MAP7: variants seen among roughly 807,000 people sequenced by gnomAD.
MAP7 encodes the protein ensconsin.
A neutral mutation model predicts 94.8 loss-of-function variants in MAP7; 52 were observed. The observed-to-expected ratio is 0.55, with a 90% confidence interval of 0.44 to 0.69. MAP7 has a LOEUF of 0.69. Ranked by LOEUF, MAP7 falls within the 30% of genes least tolerant of loss-of-function variation. MAP7 has a pLI of 0.00. For synonymous variants in MAP7, 350 were observed against 357.0 expected (o/e 0.98, Z 0.22); for missense variants, 940 against 964.6 (o/e 0.97, Z 0.34).
At chr6:136,397,267 C>CT (rs1488779936) in intron 3 of MAP7, among the ~76,000 whole-genome samples, 2 of 151,728 alleles carry the variant, frequency 1.3e-5, no homozygotes, top group African/African-American at 4.8e-5. Context: ...AGATTTAATA[C>CT]TTTAATACCC....
intron 16 of MAP7, among the ~76,000 whole-genome samples, chr6:136,354,183 A>G (rs1790121154): frequency 7.0e-6 from 1 of 143,762 alleles, no homozygotes; most frequent in East Asian, 2.0e-4. Flanking sequence ...TATATATAAA[A>G]ATATATATAT....
intron 1 of MAP7, among the ~76,000 whole-genome samples, chr6:136,488,608 C>T (rs944061240): frequency 1.3e-5 from 2 of 151,952 alleles, no homozygotes; most frequent in Admixed American, 1.3e-4. Flanking sequence ...CCACGCCCAG[C>T]TAATTTTTGT....
rs1015030046 is a variant in MAP7 at position 136,489,952 on chromosome 6, T to C, written c.67+60390A>G. On this transcript the variant is annotated intron_variant, in intron 1 of 17. Coordinates refer to ENST00000354570, the MANE Select transcript of MAP7 (RefSeq NM_003980.6). ...GCCACAGAGATTCATAAGACACTTG[T>C]GAACTGAAGTCAGCCAAATATATAC... Among the ~76,000 whole-genome samples the C allele has an allele frequency of 8.5e-5, 13 of 152,298 alleles. No homozygotes were observed. The South Asian group carries it at 2.7e-3, about 32-fold the overall frequency.
chr6:136,420,221 C>T, intron 2 of MAP7: 1 of 1,052,066 alleles, frequency 9.5e-7, no homozygotes, highest in Non-Finnish European at 1.5e-6. Flanking sequence ...ATTTCAGAGC[C>T]AGGAACATAG....
intron 1 of MAP7, among the ~76,000 whole-genome samples, chr6:136,530,468 A>C (rs1340920906): frequency 1.3e-5 from 2 of 152,236 alleles, no homozygotes; most frequent in East Asian, 3.8e-4. Context: ...AGTTTTAACA[A>C]TATTTTTATG....
chr6:136,422,277 TTA>T (rs1791615776), intron 1 of MAP7, among the ~76,000 whole-genome samples: 1 of 152,168 alleles, frequency 6.6e-6, no homozygotes, highest in South Asian at 2.1e-4. Context: ...TAACTGAATA[TTA>T]TGTAACAGCA....
intron 15 of MAP7, among the ~76,000 whole-genome samples, chr6:136,357,031 G>A (rs964615486): frequency 6.6e-6 from 1 of 152,196 alleles, no homozygotes; most frequent in Non-Finnish European, 1.5e-5. Flanking sequence ...ACTTAGAACA[G>A]TGTTTGGCAT....
intron 8 of MAP7, among the ~76,000 whole-genome samples, chr6:136,367,703 C>T (rs1057436084): frequency 6.6e-6 from 1 of 152,152 alleles, no homozygotes; most frequent in African/African-American, 2.4e-5. Flanking sequence ...GCTGCTCAAC[C>T]ACCATTTCTC....
chr6:136,385,525 C>A (rs1468175416), intron 5 of MAP7, among the ~76,000 whole-genome samples: 1 of 152,170 alleles, frequency 6.6e-6, no homozygotes, highest in Admixed American at 6.5e-5. Flanking sequence ...TATCCTCAGG[C>A]AGATTCTCAA....
chr6:136,385,994 C>G (rs921203163), intron 5 of MAP7, among the ~76,000 whole-genome samples: 33 of 152,260 alleles, frequency 2.2e-4, no homozygotes, highest in African/African-American at 7.7e-4. Context: ...TGGTCTCGAA[C>G]TCCTGACCTC....
Position 136,451,416 on chromosome 6 carries a change from C to A in MAP7, c.68-29617G>T, listed in dbSNP as rs1801079109. On this transcript the variant is annotated intron_variant, in intron 1 of 17. Transcript: ENST00000354570. ...CAATATTTTAAGTCCACTGTTGAGA[C>A]CTGCTGTTCAGAAGAAAAGATTCTT... Among the ~76,000 whole-genome samples, 7 of 152,196 alleles carry A rather than the reference C, an allele frequency of 4.6e-5. No homozygotes were observed. The South Asian group carries it at 1.4e-3, about 32-fold the overall frequency.
At chr6:136,415,441 C>A (rs376911220) in intron 2 of MAP7, among the ~76,000 whole-genome samples, 7 of 152,104 alleles carry the variant, frequency 4.6e-5, no homozygotes, top group African/African-American at 1.7e-4. Context: ...AAATTTCATA[C>A]AAAATTTTGA....
intron 1 of MAP7, among the ~76,000 whole-genome samples, chr6:136,432,458 T>C (rs754969982): frequency 1.3e-5 from 2 of 152,148 alleles, no homozygotes; most frequent in Non-Finnish European, 2.9e-5. Flanking sequence ...AGATGCCACA[T>C]CAAGTTTTAA....
At chr6:136,420,650 G>C (rs1791010642) in intron 2 of MAP7, among the ~76,000 whole-genome samples, 1 of 152,180 alleles carries the variant, frequency 6.6e-6, no homozygotes, top group African/African-American at 2.4e-5. Context: ...GAAAAGGCAG[G>C]TTGACTGACT....
intron 1 of MAP7, among the ~76,000 whole-genome samples, chr6:136,440,400 G>A (rs1189668963): frequency 1.3e-5 from 2 of 152,128 alleles, no homozygotes; most frequent in Non-Finnish European, 2.9e-5. Flanking sequence ...CCTAAAGAGT[G>A]AGTAGGTATG....
intron 1 of MAP7, among the ~76,000 whole-genome samples, chr6:136,507,988 T>C (rs957712998): frequency 1.3e-5 from 2 of 152,202 alleles, no homozygotes; most frequent in African/African-American, 4.8e-5. Flanking sequence ...TCAGAGCTAC[T>C]CCTAGTACAT....
At chr6:136,452,796 G>T (rs1437928340) in intron 1 of MAP7, among the ~76,000 whole-genome samples, 1 of 152,144 alleles carries the variant, frequency 6.6e-6, no homozygotes, top group Non-Finnish European at 1.5e-5. Context: ...CAAGTGATCT[G>T]CCCTCCTCGT....
At chr6:136,481,437 A>T (rs1812816748) in intron 1 of MAP7, among the ~76,000 whole-genome samples, 1 of 148,648 alleles carries the variant, frequency 6.7e-6, no homozygotes, top group South Asian at 2.1e-4. Flanking sequence ...ACTCAGCCAT[A>T]AAAAAGAATG....
intron 1 of MAP7, among the ~76,000 whole-genome samples, chr6:136,529,871 C>G (rs1469086403): frequency 6.6e-6 from 1 of 152,202 alleles, no homozygotes; most frequent in Admixed American, 6.5e-5. Context: ...GTTGGCATCT[C>G]TGGCCTATGT....
Sources: gnomAD v4.1 joint callset for allele counts (sites outside exome capture counted in the v4.1 genomes callset) on GRCh38, gnomAD v4.1.1 for gene constraint, MANE v1.5 for transcripts, NCBI Gene and HGNC (gene_info 2026-07-23, HGNC 2026-07-21) for gene names.